NAV2: variants seen among roughly 807,000 people sequenced by gnomAD.
NAV2 encodes the protein helicase, APC down-regulated 1.
A neutral mutation model predicts 223.2 loss-of-function variants in NAV2; 54 were observed. That is an observed-to-expected ratio of 0.24 (90% CI 0.19 to 0.30). The LOEUF is 0.30. Among genes scored for constraint, NAV2 ranks in the 10% least tolerant of loss-of-function variants. The pLI is 1.00. For missense variants in NAV2, 2,806 were observed against 3,147.5 expected, an observed-to-expected ratio of 0.89 and a Z score of 2.60; for synonymous variants, 1,279 against 1,239.3, an observed-to-expected ratio of 1.03 and a Z score of -0.67.
chr11:19,349,661 G>A (rs1853189688), upstream of NAV2, among the ~76,000 whole-genome samples: 1 of 152,180 alleles, frequency 6.6e-6, no homozygotes, highest in Non-Finnish European at 1.5e-5. Context: ...TGATGGTGCT[G>A]GTGTTGGGGG....
intron 1 of NAV2, among the ~76,000 whole-genome samples, chr11:19,818,892 C>T (rs2059239680): frequency 6.6e-6 from 1 of 152,182 alleles, no homozygotes; most frequent in South Asian, 2.1e-4. Context: ...ATTCATCTGT[C>T]CCACCCATTA....
chr11:19,383,648 T>A (rs974547303), intron 1 of NAV2, among the ~76,000 whole-genome samples: 1 of 152,180 alleles, frequency 6.6e-6, no homozygotes, highest in Non-Finnish European at 1.5e-5. Flanking sequence ...ATTTCATGAC[T>A]GTGTGCCTCA....
chr11:19,383,834 G>A (rs1222519807), intron 1 of NAV2, among the ~76,000 whole-genome samples: 1 of 152,168 alleles, frequency 6.6e-6, no homozygotes, highest in Non-Finnish European at 1.5e-5. Context: ...GACAATATGC[G>A]TCAAAACCTA....
chr11:19,859,746 C>A (rs1281716010), intron 3 of NAV2, among the ~76,000 whole-genome samples: 12 of 142,420 alleles, frequency 8.4e-5, no homozygotes, highest in Non-Finnish European at 1.4e-4. Context: ...ACCTCCCGGA[C>A]CGGGCGGCTG....
intron 1 of NAV2, among the ~76,000 whole-genome samples, chr11:19,621,126 G>A (rs2046980933): frequency 6.6e-6 from 1 of 152,128 alleles, no homozygotes; most frequent in Non-Finnish European, 1.5e-5. Context: ...TGATCATGAT[G>A]GATAAGCTTT....
intron 1 of NAV2, among the ~76,000 whole-genome samples, chr11:19,620,610 T>C (rs2135410860): frequency 6.6e-6 from 1 of 152,350 alleles, no homozygotes; most frequent in South Asian, 2.1e-4. Flanking sequence ...ACATTGATTT[T>C]GTATCCTGAG....
At chr11:19,664,569 T>C (rs948049615) in intron 1 of NAV2, among the ~76,000 whole-genome samples, 2 of 152,166 alleles carry the variant, frequency 1.3e-5, no homozygotes, top group Non-Finnish European at 2.9e-5. Flanking sequence ...AGACATGAGT[T>C]TCCCAGAAAA....
At chr11:19,993,859 T>C (rs12283283) in intron 11 of NAV2, among the ~76,000 whole-genome samples, 1,594 of 152,348 alleles carry the variant, frequency 0.01, 31 homozygotes, top group African/African-American at 0.037. Flanking sequence ...TAGAAAATGC[T>C]GGTGATTGTT....
intron 1 of NAV2, among the ~76,000 whole-genome samples, chr11:19,378,237 G>A (rs1203618595): frequency 6.6e-6 from 1 of 152,156 alleles, no homozygotes; most frequent in Non-Finnish European, 1.5e-5. Flanking sequence ...AGTTGCAATG[G>A]ACTTTCAGGC....
At position 20,051,340 on chromosome 11, in the gene NAV2, G is replaced by C. The variant is rs370994356; in HGVS notation, c.4481+7G>C. ...TGCCTAAGAAAGGACTCAGGTATCTGTGTTTCCTCCTTGCATCTGTGCCAT... is the reference window on the plus strand; with the variant it reads ...TGCCTAAGAAAGGACTCAGGTATCTCTGTTTCCTCCTTGCATCTGTGCCAT... On this transcript the variant is annotated splice_region_variant and intron_variant, in intron 17 of 37. Coordinates refer to ENST00000349880, the MANE Select transcript of NAV2 (RefSeq NM_145117.5). 3.6e-5 allele frequency: 58 copies of C among 1,613,682 alleles called. No individual in the cohort carries two copies. The African/African-American group carries it at 4.9e-4, about 14-fold the overall frequency.
At chr11:19,381,118 C>T (rs184492669) in intron 1 of NAV2, among the ~76,000 whole-genome samples, 2 of 152,284 alleles carry the variant, frequency 1.3e-5, no homozygotes, top group East Asian at 3.9e-4. Context: ...TCTCCTCATC[C>T]TTTGACATTC....
chr11:19,358,363 A>G (rs1162613328), intron 1 of NAV2, among the ~76,000 whole-genome samples: 6 of 152,204 alleles, frequency 3.9e-5, no homozygotes, highest in African/African-American at 1.4e-4. Context: ...AAGCCAAGTC[A>G]GGGTGATTCC....
At position 20,091,128 on chromosome 11, in the gene NAV2, G is replaced by A. The variant is rs572626964; in HGVS notation, c.5652+110G>A. ...GCATCAGAATCTGGTGGCGGCCCTC[G>A]CTTTCCCAGCCTTTATCTCTTTTCA... On this transcript the variant is annotated intron_variant, in intron 27 of 37. Coordinates refer to ENST00000349880, the MANE Select transcript of NAV2 (RefSeq NM_145117.5). The A allele has an allele frequency of 5.6e-4, 640 of 1,149,670 alleles. 1 individual carries two copies. The highest frequency in any genetic ancestry group is 7.4e-4 in the Non-Finnish European group (602 of 818,718). 71.2% of individuals were successfully genotyped at this position (1,149,670 alleles called of 1,614,324 possible).
At chr11:19,912,501 G>A (rs1406375213) in intron 6 of NAV2, among the ~76,000 whole-genome samples, 1 of 152,198 alleles carries the variant, frequency 6.6e-6, no homozygotes, top group Non-Finnish European at 1.5e-5. Flanking sequence ...CCATGAGACT[G>A]GTCACTGTTG....
At chr11:20,032,979 A>C (rs1469600565) in intron 11 of NAV2, among the ~76,000 whole-genome samples, 2 of 152,176 alleles carry the variant, frequency 1.3e-5, no homozygotes, top group African/African-American at 4.8e-5. Context: ...CACCCTTAAG[A>C]GTGACTAGGA....
At chr11:19,993,968 G>A (rs948599496) in intron 11 of NAV2, among the ~76,000 whole-genome samples, 1 of 152,190 alleles carries the variant, frequency 6.6e-6, no homozygotes, top group Admixed American at 6.5e-5. Context: ...CAAGTAGAGA[G>A]AGAAAGACCT....
chr11:19,610,339 G>A (rs183886854), intron 1 of NAV2, among the ~76,000 whole-genome samples: 11 of 152,028 alleles, frequency 7.2e-5, no homozygotes, highest in South Asian at 2.1e-4. Flanking sequence ...TTTGGATGAG[G>A]AAGTCAGAAT....
intron 1 of NAV2, among the ~76,000 whole-genome samples, chr11:19,588,987 G>A (rs1322594068): frequency 6.6e-6 from 1 of 152,190 alleles, no homozygotes. Flanking sequence ...CTCCCATGGA[G>A]ATCTGGGCAC....
Position 19,451,787 on chromosome 11 carries a change from G to A in NAV2, c.75+100760G>A, listed in dbSNP as rs755146571. On this transcript the variant is annotated intron_variant, in intron 1 of 37. Coordinates refer to the NAV2 transcript ENST00000360655. Reference sequence around the variant, plus strand: ...AGAGGAAGGAACAGCCTCACAGCTTGTGCAAAGGCCCTGAGGCAGAAAGGT... The same window carrying A: ...AGAGGAAGGAACAGCCTCACAGCTTATGCAAAGGCCCTGAGGCAGAAAGGT... Among the ~76,000 whole-genome samples the A allele has an allele frequency of 2.0e-5, 3 of 152,220 alleles. No individual in the cohort carries two copies. In the South Asian group the frequency reaches 6.2e-4, roughly 32 times the overall value.
Sources: gnomAD v4.1 joint callset for allele counts (sites outside exome capture counted in the v4.1 genomes callset) on GRCh38, gnomAD v4.1.1 for gene constraint, MANE v1.5 for transcripts, NCBI Gene and HGNC (gene_info 2026-07-23, HGNC 2026-07-21) for gene names.